The following GGACT variants were observed in gnomAD, a reference collection of about 807,000 sequenced individuals.
GGACT encodes the protein gamma-glutamylaminecyclotransferase.
For missense variants in GGACT, 241 were observed against 233.2 expected (o/e 1.03, Z -0.22); for synonymous variants, 118 against 115.3 (o/e 1.02, Z -0.15).
Position 100,532,017 on chromosome 13 carries a change from C to T in GGACT, c.*113G>A. 1 of 665,634 alleles carries T rather than the reference C, an allele frequency of 1.5e-6. No individual in the cohort carries two copies. Among genetic ancestry groups the T allele is most frequent in the Non-Finnish European group, 2.3e-6 (1 of 440,762 alleles). 41.2% of individuals were successfully genotyped at this position (665,634 alleles called of 1,614,324 possible). On this transcript the variant is annotated 3_prime_UTR_variant, in exon 3 of 3. Transcript: ENST00000683975. ...CTGCCACTGAAAGATTGGTTCCTTT[C>T]CGGCAGATTCATTGGAAAGGGCCCT...
Position 100,534,618 on chromosome 13 carries a change from T to C in GGACT, c.-10-2017A>G, listed in dbSNP as rs986610914. Among the ~76,000 whole-genome samples the C allele has an allele frequency of 7.2e-5, 11 of 152,140 alleles. No individual in the cohort carries two copies. Among genetic ancestry groups the C allele is most frequent in the African/African-American group, 2.7e-4 (11 of 41,426 alleles). On this transcript the variant is annotated intron_variant, in intron 2 of 2. Coordinates refer to ENST00000683975, the MANE Select transcript of GGACT (RefSeq NM_001195087.2). The surrounding 1 kb of genome is among the most constrained non-coding windows in gnomAD (Gnocchi z 4.9). ...ACCTGGGGGGCGATGATGGTTTGGA[T>C]CCTGCTGTGCAGCTGCCTTGGGGAC...
chr13:100,588,099 A>G (rs1875636469), intron 1 of GGACT, among the ~76,000 whole-genome samples: 1 of 152,228 alleles, frequency 6.6e-6, no homozygotes, highest in Non-Finnish European at 1.5e-5. Context: ...GCGTGGAGTT[A>G]AGAAGCTGTG....
chr13:100,535,089 C>T (rs573050564), intron 2 of GGACT, among the ~76,000 whole-genome samples: 2 of 152,342 alleles, frequency 1.3e-5, no homozygotes, highest in Admixed American at 1.3e-4. Flanking sequence ...GTGAGGAAGC[C>T]GAGTCCCAGG....
intron 2 of GGACT, chr13:100,539,917 G>A (rs1173859832): frequency 1.3e-5 from 19 of 1,414,100 alleles, no homozygotes; most frequent in Non-Finnish European, 1.4e-5. Flanking sequence ...GGGCTTTGGT[G>A]GGGGACGTGG....
intron 1 of GGACT, among the ~76,000 whole-genome samples, chr13:100,585,744 G>T (rs1030230358): frequency 6.8e-6 from 1 of 147,436 alleles, no homozygotes; most frequent in East Asian, 2.0e-4. Flanking sequence ...CTCCAGCCTG[G>T]GTGACAAGAG....
Position 100,530,445 on chromosome 13 carries a change from G to A in GGACT, c.*1685C>T, listed in dbSNP as rs1164263577. ...TGAGCATTTGTCTAAATATTAGTTT[G>A]CCCTTTCTTTGAATGAAGACAATGT... On this transcript the variant is annotated 3_prime_UTR_variant, in exon 3 of 3. Transcript: ENST00000683975. 1 of 533,154 alleles carries A rather than the reference G, an allele frequency of 1.9e-6. No individual in the cohort carries two copies. The highest frequency in any genetic ancestry group is 1.9e-5 in the African/African-American group (1 of 52,324). 33.0% of individuals were successfully genotyped at this position (533,154 alleles called of 1,614,324 possible). A position where few individuals can be genotyped will look rare whatever the true frequency, so the allele number is the denominator to read the frequency against.
rs776437235 is a variant in GGACT, at chr13:100,532,075, G to A, written c.*55C>T. Reference sequence around the variant, plus strand: ...TTCCGCCTTCACCCAGCATGGGCTGGGCGCATCTTGGAGCCCCAGGGCTCT... The same window carrying A: ...TTCCGCCTTCACCCAGCATGGGCTGAGCGCATCTTGGAGCCCCAGGGCTCT... On this transcript the variant is annotated 3_prime_UTR_variant, in exon 3 of 3. Transcript: ENST00000683975. 1.5e-6 allele frequency: 2 copies of A among 1,306,042 alleles called. No individual in the cohort carries two copies. The highest frequency in any genetic ancestry group is 2.0e-6 in the Non-Finnish European group (2 of 985,948). 80.9% of individuals were successfully genotyped at this position (1,306,042 alleles called of 1,614,324 possible). A position where few individuals can be genotyped will look rare whatever the true frequency, so the allele number is the denominator to read the frequency against.
At chr13:100,566,135 A>G (rs1032663480) in intron 2 of GGACT, among the ~76,000 whole-genome samples, 2 of 152,228 alleles carry the variant, frequency 1.3e-5, no homozygotes, top group Non-Finnish European at 2.9e-5. Flanking sequence ...CAGTGCAGCC[A>G]GCACCTGAGT....
At chr13:100,549,002 T>G (rs1281900510) in intron 2 of GGACT, among the ~76,000 whole-genome samples, 1 of 152,108 alleles carries the variant, frequency 6.6e-6, no homozygotes, top group Middle Eastern at 3.2e-3. Flanking sequence ...AAATTTAAAA[T>G]CCCTAGGAAT....
chr13:100,556,303 A>G (rs560958396), intron 2 of GGACT, among the ~76,000 whole-genome samples: 1 of 152,358 alleles, frequency 6.6e-6, no homozygotes, highest in East Asian at 1.9e-4. Flanking sequence ...ATATACAAAA[A>G]TCAATTGTAT....
chr13:100,577,418 A>AAAAT (rs59417268), intron 2 of GGACT, among the ~76,000 whole-genome samples: 51,332 of 141,030 alleles, frequency 0.36, 10,275 homozygotes, highest in Non-Finnish European at 0.45. Context: ...CTCCATCTCA[A>AAAAT]AAATAAATAA....
intron 2 of GGACT, among the ~76,000 whole-genome samples, chr13:100,572,732 A>C (rs78416842): frequency 6.6e-6 from 1 of 152,150 alleles, no homozygotes; most frequent in African/African-American, 2.4e-5. Flanking sequence ...ACACCAGGAT[A>C]AAAAACATTT....
intron 2 of GGACT, among the ~76,000 whole-genome samples, chr13:100,543,897 T>TC (rs2088579204): frequency 6.6e-6 from 1 of 152,210 alleles, no homozygotes; most frequent in African/African-American, 2.4e-5. Context: ...CGTGTCAAAA[T>TC]TGGCCCCAGC....
intron 2 of GGACT, among the ~76,000 whole-genome samples, chr13:100,556,112 T>C (rs1448424334): frequency 1.3e-5 from 2 of 152,142 alleles, no homozygotes; most frequent in Non-Finnish European, 2.9e-5. Context: ...TACTTCTAAA[T>C]CCTCGAGGTT....
In GGACT at chr13:100,532,449, T is replaced by C. The variant is rs1261156026; in HGVS notation, c.143A>G (p.His48Arg). 1 of 1,549,826 alleles carries C rather than the reference T, an allele frequency of 6.5e-7. No individual in the cohort carries two copies. Among genetic ancestry groups the C allele is most frequent in the East Asian group, 2.4e-5 (1 of 40,898 alleles). ...CAGGTGCAGCAGCCACGGGATGTTG[T>C]GCTCCCCCGCGATCACCAACGGGTA... Reference protein sequence around the residue: ...EPYPLVIAGEHNIPWLLHLPG... With the variant: ...EPYPLVIAGERNIPWLLHLPG... Residue 48 changes from histidine to arginine, a missense_variant, in exon 3 of 3, where the codon CAC becomes CGC. His to Arg is a conservative substitution (Grantham distance 29, BLOSUM62 0). Coordinates refer to ENST00000683975, the MANE Select transcript of GGACT (RefSeq NM_001195087.2).
chr13:100,557,898 C>T (rs2088723125), intron 2 of GGACT, among the ~76,000 whole-genome samples: 1 of 151,942 alleles, frequency 6.6e-6, no homozygotes, highest in South Asian at 2.1e-4. Flanking sequence ...GTAGGCAAAA[C>T]AAAGGCTGGG....
In GGACT at chr13:100,531,648, ACT is replaced by A. The variant is rs1474486166; in HGVS notation, c.*480_*481del. ...AATTAGGAAGAATGGTGCTATACGC[ACT>A]CTGATATACAGCATGCTTGCCCTGT... On this transcript the variant is annotated 3_prime_UTR_variant, in exon 3 of 3. Transcript: ENST00000683975. 3 of 155,224 alleles carry A rather than the reference ACT, an allele frequency of 1.9e-5. No individual in the cohort carries two copies. The highest frequency in any genetic ancestry group is 4.3e-5 in the Non-Finnish European group (3 of 70,252). 9.6% of individuals were successfully genotyped at this position (155,224 alleles called of 1,614,324 possible).
chr13:100,540,552 T>C (rs2088543449), intron 2 of GGACT, among the ~76,000 whole-genome samples: 1 of 152,262 alleles, frequency 6.6e-6, no homozygotes, highest in Non-Finnish European at 1.5e-5. Flanking sequence ...GTCAATTTTG[T>C]TAGTCTTCTC....
intron 2 of GGACT, among the ~76,000 whole-genome samples, chr13:100,572,810 A>G (rs1236390327): frequency 6.6e-6 from 1 of 152,206 alleles, no homozygotes; most frequent in Non-Finnish European, 1.5e-5. Flanking sequence ...ACTGTGCTGC[A>G]GGTACATTTA....
Sources: gnomAD v4.1 joint callset for allele counts (sites outside exome capture counted in the v4.1 genomes callset) on GRCh38, gnomAD v4.1.1 for gene constraint, Gnocchi (gnomAD v3.1) non-coding constraint, MANE v1.5 for transcripts, NCBI Gene and HGNC (gene_info 2026-07-23, HGNC 2026-07-21) for gene names.